ADGRL2: variants seen among roughly 807,000 people sequenced by gnomAD.
The protein encoded by ADGRL2 is adhesion G protein-coupled receptor L2.
ADGRL2 carries 44 observed loss-of-function variants against 157.4 expected under a neutral mutation model. The ratio of observed to expected loss-of-function variants is 0.28; its 90% CI spans 0.22 to 0.36. ADGRL2 has a LOEUF of 0.36. ADGRL2 is among the 10% of genes least tolerant of loss of function. The pLI, the probability that ADGRL2 is intolerant of heterozygous loss-of-function variation, is 1.00. For missense variants in ADGRL2, 1,510 were observed against 1,768.9 expected (o/e 0.85, Z 2.63); for synonymous variants, 585 against 624.7 (o/e 0.94, Z 0.95).
intron 2 of ADGRL2, among the ~76,000 whole-genome samples, chr1:81,537,705 T>C (rs11163331): frequency 0.31 from 46,188 of 150,828 alleles, 7,753 homozygotes; most frequent in East Asian, 0.5. Flanking sequence ...TCTTTTTCTC[T>C]CTTTTTTTTT....
intron 3 of ADGRL2, among the ~76,000 whole-genome samples, chr1:81,630,173 A>G (rs897181488): frequency 7.9e-5 from 12 of 152,208 alleles, no homozygotes; most frequent in African/African-American, 2.6e-4. Flanking sequence ...GAGTGCTGGC[A>G]GGGGACACCT....
chr1:81,721,918 G>A, intron 1 of ADGRL2: 1 of 692,456 alleles, frequency 1.4e-6, no homozygotes, highest in Non-Finnish European at 2.7e-6. Context: ...AAACCATCAA[G>A]TGAGGAAAGT....
At chr1:81,788,028 T>C (rs2087140987) in intron 2 of ADGRL2, among the ~76,000 whole-genome samples, 1 of 152,236 alleles carries the variant, frequency 6.6e-6, no homozygotes, top group Non-Finnish European at 1.5e-5. Flanking sequence ...CCTCTTGATC[T>C]ATCTTCTATT....
At chr1:81,690,264 G>C (rs1368649192) in intron 3 of ADGRL2, among the ~76,000 whole-genome samples, 1 of 152,150 alleles carries the variant, frequency 6.6e-6, no homozygotes, top group Non-Finnish European at 1.5e-5. Flanking sequence ...AGGCCAAGGT[G>C]GGCACATCAC....
intron 2 of ADGRL2, among the ~76,000 whole-genome samples, chr1:81,867,434 C>T (rs2093573656): frequency 6.6e-6 from 1 of 152,180 alleles, no homozygotes; most frequent in Admixed American, 6.6e-5. Context: ...TGCCATGTGG[C>T]TCTTTTCAGA....
chr1:81,349,484 A>C lies in ADGRL2; in HGVS notation c.-302+42975A>C, dbSNP rs74531727. Among the ~76,000 whole-genome samples the C allele has an allele frequency of 8.6e-3, 1,312 of 152,318 alleles. 16 individuals carry two copies. Among genetic ancestry groups the C allele is most frequent in the African/African-American group, 0.03 (1,252 of 41,566 alleles). Reference sequence around the variant, plus strand: ...TGGAAATTTAAGACTAAGTGATCACAGGAATGGCAGGAATGTGGGATGGTA... The same window carrying C: ...TGGAAATTTAAGACTAAGTGATCACCGGAATGGCAGGAATGTGGGATGGTA... On this transcript the variant is annotated intron_variant, in intron 1 of 24. Transcript: ENST00000370721.
At chr1:81,841,828 T>C (rs776170961) in intron 2 of ADGRL2, among the ~76,000 whole-genome samples, 4 of 152,120 alleles carry the variant, frequency 2.6e-5, no homozygotes, top group South Asian at 2.1e-4. Context: ...ATAGAATAAA[T>C]CTTTGAAGAG....
At position 81,315,527 on chromosome 1, in the gene ADGRL2, G is replaced by C. The variant is rs188418137; in HGVS notation, c.-302+9018G>C. ...AATTATAATGAATTAATAATAGACA[G>C]ATATGGATTAGAAAGTCCCTCAGGG... is the stretch of plus-strand genomic sequence containing the variant. On this transcript the variant is annotated intron_variant, in intron 1 of 24. Transcript: ENST00000370721. Among the ~76,000 whole-genome samples the C allele has an allele frequency of 4.3e-4, 66 of 152,276 alleles. No individual in the cohort carries two copies. In the Middle Eastern group the frequency reaches 0.01, roughly 24 times the overall value.
At chr1:81,387,128 C>T (rs7539302) in intron 1 of ADGRL2, among the ~76,000 whole-genome samples, 51,138 of 151,934 alleles carry the variant, frequency 0.34, 9,672 homozygotes, top group East Asian at 0.79. Flanking sequence ...CAGAAGTTAC[C>T]TACTCTACAG....
At chr1:81,680,704 GA>G (rs1372413716) in intron 3 of ADGRL2, among the ~76,000 whole-genome samples, 6 of 151,950 alleles carry the variant, frequency 3.9e-5, no homozygotes, top group African/African-American at 1.2e-4. Flanking sequence ...TTGACTTTCA[GA>G]AAAAAAATTT....
chr1:81,607,984 C>T (rs977622777), intron 3 of ADGRL2, among the ~76,000 whole-genome samples: 1 of 152,100 alleles, frequency 6.6e-6, no homozygotes, highest in African/African-American at 2.4e-5. Flanking sequence ...CTTACTAAAG[C>T]GAAACACCTT....
At chr1:81,950,905 G>A (rs1651568363) in intron 7 of ADGRL2, 113 bp from the exon 8 acceptor site, 3 of 693,128 alleles carry the variant, frequency 4.3e-6, no homozygotes, top group Middle Eastern at 2.6e-4. Flanking sequence ...TCAAATACTT[G>A]CATTAGAGTT....
In ADGRL2 at chr1:81,936,845, T is replaced by C. The variant is rs1370762738; in HGVS notation, c.397+8T>C. On this transcript the variant is annotated splice_region_variant and intron_variant, in intron 4 of 23. Coordinates refer to ENST00000686636, the MANE Select transcript of ADGRL2 (RefSeq NM_001366006.2). The stretch of plus-strand genomic sequence containing the variant: ...ATGAATGTGTCCCTTACAGTAAGTA[T>C]GCAGTTTATATTTTTTTACACTTTG... 6.6e-7 allele frequency: 1 copy of C among 1,522,600 alleles called. No individual in the cohort carries two copies. The highest frequency in any genetic ancestry group is 9.1e-7 in the Non-Finnish European group (1 of 1,097,406). The allele number at this position is 1,522,600 out of a possible 1,614,324, so 94.3% of individuals were successfully genotyped here. A position where few individuals can be genotyped will look rare whatever the true frequency, so the allele number is the denominator to read the frequency against.
At chr1:81,906,070 C>T (rs2094579505) in intron 2 of ADGRL2, among the ~76,000 whole-genome samples, 2 of 151,620 alleles carry the variant, frequency 1.3e-5, no homozygotes, top group Admixed American at 6.6e-5. Context: ...GACATTTACC[C>T]AGCTCTGTTT....
intron 3 of ADGRL2, among the ~76,000 whole-genome samples, chr1:81,671,870 T>C (rs1570792184): frequency 6.6e-6 from 1 of 152,228 alleles, no homozygotes; most frequent in Non-Finnish European, 1.5e-5. Flanking sequence ...GACCACACTT[T>C]GAATAGCAAA....
intron 1 of ADGRL2, among the ~76,000 whole-genome samples, chr1:81,397,592 T>A (rs993245842): frequency 2.6e-5 from 4 of 152,178 alleles, no homozygotes; most frequent in Non-Finnish European, 4.4e-5. Context: ...GTGCTGGGAT[T>A]ATAGGCATGA....
intron 3 of ADGRL2, among the ~76,000 whole-genome samples, chr1:81,633,860 G>T (rs890896191): frequency 6.6e-6 from 1 of 152,162 alleles, no homozygotes; most frequent in African/African-American, 2.4e-5. Flanking sequence ...CTAAGGGTAA[G>T]GTCAACCAGA....
chr1:81,315,790 A>G (rs1660066938), intron 1 of ADGRL2, among the ~76,000 whole-genome samples: 2 of 152,004 alleles, frequency 1.3e-5, no homozygotes, highest in African/African-American at 2.4e-5. Flanking sequence ...TGATTTGTTG[A>G]ACTTTTTAAA....
chr1:81,485,930 G>A (rs530088954), intron 2 of ADGRL2, among the ~76,000 whole-genome samples: 1 of 152,276 alleles, frequency 6.6e-6, no homozygotes, highest in Admixed American at 6.5e-5. Context: ...CATCTACTGA[G>A]CTAACACCTC....
Sources: allele counts gnomAD v4.1 joint callset (sites outside exome capture counted in the v4.1 genomes callset), GRCh38; gene constraint gnomAD v4.1.1; transcripts MANE v1.5; gene names NCBI Gene and HGNC (gene_info 2026-07-23, HGNC 2026-07-21).